The following DTNB variants were observed in gnomAD, a reference collection of about 807,000 sequenced individuals.
DTNB encodes DTN-B.
In DTNB, 63 loss-of-function variants were observed where a neutral mutation model predicts 90.7. The observed-to-expected ratio is 0.69, with a 90% confidence interval of 0.57 to 0.86. The LOEUF (loss-of-function observed/expected upper bound fraction) is 0.86, where lower values mean the gene tolerates loss of function less well. Ranked by LOEUF, DTNB falls within the 40% of genes least tolerant of loss-of-function variation. The pLI, the probability that DTNB is intolerant of heterozygous loss-of-function variation, is 0.00. For synonymous variants in DTNB, 277 were observed against 286.7 expected, an observed-to-expected ratio of 0.97 and a Z score of 0.34; for missense variants, 744 against 807.1, an observed-to-expected ratio of 0.92 and a Z score of 0.95.
At chr2:25,411,728 T>G (rs953136558) in intron 16 of DTNB, among the ~76,000 whole-genome samples, 1 of 152,224 alleles carries the variant, frequency 6.6e-6, no homozygotes, top group African/African-American at 2.4e-5. Flanking sequence ...TAGGGTATCA[T>G]GTCAACCATG....
chr2:25,621,822 C>T (rs2072767241), intron 4 of DTNB, among the ~76,000 whole-genome samples: 1 of 151,734 alleles, frequency 6.6e-6, no homozygotes, highest in Non-Finnish European at 1.5e-5. Flanking sequence ...TTTCATATAA[C>T]TCTATTATAA....
intron 4 of DTNB, among the ~76,000 whole-genome samples, chr2:25,618,127 G>A (rs372965662): frequency 6.6e-6 from 1 of 152,100 alleles, no homozygotes; most frequent in African/African-American, 2.4e-5. Flanking sequence ...TCTTGGCACT[G>A]AAACCCCTCA....
At chr2:25,619,832 G>T (rs893308844) in intron 4 of DTNB, among the ~76,000 whole-genome samples, 6 of 152,086 alleles carry the variant, frequency 3.9e-5, no homozygotes, top group African/African-American at 1.2e-4. Flanking sequence ...AGGAGGTCAG[G>T]AGTTTGAGAC....
intron 6 of DTNB, among the ~76,000 whole-genome samples, chr2:25,584,291 A>G (rs1465644709): frequency 6.6e-6 from 1 of 152,180 alleles, no homozygotes; most frequent in Non-Finnish European, 1.5e-5. Flanking sequence ...CCCTTTCCCA[A>G]CTATATAGCT....
chr2:25,626,292 A>G (rs561509366), intron 4 of DTNB, among the ~76,000 whole-genome samples: 1 of 152,314 alleles, frequency 6.6e-6, no homozygotes, highest in African/African-American at 2.4e-5. Context: ...TGAGTGAGTC[A>G]GTGTCATGAT....
At chr2:25,608,616 A>G (rs1158355076) in intron 4 of DTNB, among the ~76,000 whole-genome samples, 1 of 152,248 alleles carries the variant, frequency 6.6e-6, no homozygotes, top group Non-Finnish European at 1.5e-5. Flanking sequence ...GCTAGTGGTT[A>G]TAAGATAGAT....
chr2:25,415,859 G>A (rs2047787484), intron 16 of DTNB, among the ~76,000 whole-genome samples: 2 of 152,180 alleles, frequency 1.3e-5, no homozygotes, highest in Admixed American at 6.5e-5. Flanking sequence ...CGTCACCTTG[G>A]ATGGTCACCT....
At chr2:25,652,764 G>C in intron 1 of DTNB, 103 bp from the exon 2 acceptor site, 1 of 1,201,212 alleles carries the variant, frequency 8.3e-7, no homozygotes, top group Non-Finnish European at 1.2e-6. Flanking sequence ...AGTTGCAAAT[G>C]CACATTTTAA....
At chr2:25,409,298 T>C (rs1348250656) in intron 16 of DTNB, among the ~76,000 whole-genome samples, 4 of 152,336 alleles carry the variant, frequency 2.6e-5, no homozygotes, top group South Asian at 2.1e-4. Context: ...TAGATCTCTA[T>C]AGACCCTTCT....
chr2:25,568,502 AC>A (rs1020265223), intron 8 of DTNB, among the ~76,000 whole-genome samples: 1 of 152,182 alleles, frequency 6.6e-6, no homozygotes, highest in Non-Finnish European at 1.5e-5. Context: ...ACAATTATAT[AC>A]CCAAAATACT....
intron 3 of DTNB, among the ~76,000 whole-genome samples, chr2:25,633,919 G>C (rs2076401099): frequency 1.3e-5 from 2 of 151,796 alleles, no homozygotes; most frequent in Non-Finnish European, 2.9e-5. Flanking sequence ...TGAGAAGTGA[G>C]GAGACCCTCC....
At chr2:25,523,286 G>A (rs2076469891) in intron 9 of DTNB, among the ~76,000 whole-genome samples, 1 of 152,146 alleles carries the variant, frequency 6.6e-6, no homozygotes, top group Admixed American at 6.6e-5. Context: ...GTAGCTAGAA[G>A]GTCCTCAATA....
At chr2:25,558,936 G>C (rs1007489040) in intron 8 of DTNB, among the ~76,000 whole-genome samples, 1 of 152,042 alleles carries the variant, frequency 6.6e-6, no homozygotes. Context: ...GTCAGCTGTC[G>C]AATGGGAGAG....
intron 16 of DTNB, among the ~76,000 whole-genome samples, chr2:25,389,056 C>T (rs1031398266): frequency 6.6e-6 from 1 of 152,158 alleles, no homozygotes; most frequent in Non-Finnish European, 1.5e-5. Context: ...ACACGTTGTC[C>T]AGGTTGGTCT....
rs755984212 is a variant in DTNB at position 25,383,826 on chromosome 2, C to G, written c.1879+10G>C. On this transcript the variant is annotated intron_variant, in intron 19 of 20. Coordinates refer to ENST00000406818, the MANE Select transcript of DTNB (RefSeq NM_021907.5). The stretch of plus-strand genomic sequence containing the variant: ...CATTTAAACGAGCAGTCCTGCTGAG[C>G]TGCCTTTACCTCTGTCTTTCCCATT... The G allele has an allele frequency of 4.3e-6, 7 of 1,614,056 alleles. No individual in the cohort carries two copies. The highest frequency in any genetic ancestry group is 5.9e-6 in the Non-Finnish European group (7 of 1,179,908).
At chr2:25,443,189 T>G (rs1279586969) in intron 12 of DTNB, among the ~76,000 whole-genome samples, 4 of 152,198 alleles carry the variant, frequency 2.6e-5, no homozygotes, top group Non-Finnish European at 5.9e-5. Flanking sequence ...AGGATCATAT[T>G]ATAAAAGTTA....
chr2:25,580,812 T>C lies in DTNB; in HGVS notation c.618A>G (p.Leu206=), dbSNP rs1366730410. 6 of 1,612,536 alleles carry C rather than the reference T, an allele frequency of 3.7e-6. No homozygotes were observed. The highest frequency in any genetic ancestry group is 2.2e-5 in the East Asian group (1 of 44,846). ...CCATCATTGTGTCTAAAAACATATT[T>C]AGCATTATCTTTCTCTGTAAAGAGA... ...TCFPQQRKIM[L]NMFLDTMMAD... is the part of the protein sequence containing the mutation. Residue 206 remains leucine (L), a synonymous_variant, in exon 7 of 21, where the codon CTA becomes CTG. Transcript: ENST00000406818.
intron 19 of DTNB, chr2:25,383,578 T>C: frequency 1.6e-6 from 1 of 632,880 alleles, no homozygotes; most frequent in Non-Finnish European, 2.6e-6. Context: ...TCTTTTGTGT[T>C]CTACTTGTAT....
chr2:25,408,598 T>C (rs1403702533), intron 16 of DTNB, among the ~76,000 whole-genome samples: 2 of 147,650 alleles, frequency 1.4e-5, no homozygotes, highest in Non-Finnish European at 3.0e-5. Context: ...TCATTGCCTA[T>C]AATTTTATAA....
Sources: gnomAD v4.1 joint callset for allele counts (sites outside exome capture counted in the v4.1 genomes callset) on GRCh38, gnomAD v4.1.1 for gene constraint, MANE v1.5 for transcripts, NCBI Gene and HGNC (gene_info 2026-07-23, HGNC 2026-07-21) for gene names.